The following BCAR1 variants were observed in gnomAD, a reference collection of about 807,000 sequenced individuals.
BCAR1 encodes breast cancer anti-estrogen resistance protein 1.
A neutral mutation model predicts 67.6 loss-of-function variants in BCAR1; 30 were observed. The observed-to-expected ratio is 0.44, with a 90% CI of 0.33 to 0.60. The LOEUF is 0.60. BCAR1 is among the 20% of genes least tolerant of loss of function. BCAR1 has a pLI of 0.02. For synonymous variants in BCAR1, 626 were observed against 556.7 expected, an observed-to-expected ratio of 1.12 and a Z score of -1.75; for missense variants, 1,313 against 1,222.3, an observed-to-expected ratio of 1.07 and a Z score of -1.11.
Position 75,235,655 on chromosome 16 carries a change from G to T in BCAR1, c.1244C>A (p.Pro415Gln). ...VDSGVYAVPP[P>Q]AEREAPAEGK... ...CTCTGCCGGGGCTTCACGTTCAGCT[G>T]GGGGAGGCACCGCATACACACCACT... The change falls in exon 5 of 7, where the codon CCA (proline) becomes CAA (glutamine). Residue 415 changes from proline to glutamine, a missense_variant. Physicochemically the swap from Pro to Gln is moderately conservative, Grantham distance 76. Coordinates refer to ENST00000162330, the MANE Select transcript of BCAR1 (RefSeq NM_014567.5). 1 of 1,609,976 alleles carries T rather than the reference G, an allele frequency of 6.2e-7. No homozygotes were observed. The highest frequency in any genetic ancestry group is 1.1e-5 in the South Asian group (1 of 90,730).
intron 1 of BCAR1, chr16:75,264,560 G>A (rs1051279155): frequency 6.6e-6 from 9 of 1,368,986 alleles, no homozygotes; most frequent in African/African-American, 5.8e-5. Context: ...AACGGATGGC[G>A]GGGCTCACAT....
In BCAR1 at chr16:75,242,752, C is replaced by G. The variant is rs771938683; in HGVS notation, c.351G>C (p.Val117=). The change falls in exon 2 of 7, where the codon GTG becomes GTC. Residue 117 remains valine, a synonymous_variant. Transcript: ENST00000162330. The part of the protein sequence containing the change: ...YQPQPDSVYL[V]PTPSKAQQGL... ...CTTGCTGAGCCTTGCTGGGAGTGGG[C>G]ACCAGGTAGACGCTGTCTGGCTGGG... 3.8e-6 allele frequency: 6 copies of G among 1,591,106 alleles called. No individual in the cohort carries two copies. The highest frequency in any genetic ancestry group is 2.7e-5 in the African/African-American group (2 of 74,434).
chr16:75,238,761 G>C (rs1352574941), intron 2 of BCAR1: 5 of 985,540 alleles, frequency 5.1e-6, no homozygotes, highest in Non-Finnish European at 6.0e-6. Context: ...CCCCAGACTT[G>C]AGTCTCCTCC....
rs759253609 is a variant in BCAR1, at chr16:75,242,961, G to A, written c.142C>T (p.Leu48=). 2 of 1,613,304 alleles carry A rather than the reference G, an allele frequency of 1.2e-6. No homozygotes were observed. The highest frequency in any genetic ancestry group is 8.5e-7 in the Non-Finnish European group (1 of 1,179,894). ...GGCACGATGCCCTGGCGCCCATGCA[G>A]CGAGCAGAGCCACCAGCCGTCCAGG... is the stretch of plus-strand genomic sequence containing the variant. The part of the protein sequence containing the change: ...QGLDGWWLCS[L]HGRQGIVPGN... The change falls in exon 2 of 7, where the codon CTG becomes TTG. Residue 48 remains leucine (L), a synonymous_variant. Transcript: ENST00000162330.
intron 6 of BCAR1, 139 bp downstream of exon 6, chr16:75,233,707 G>C: frequency 1.3e-6 from 1 of 761,794 alleles, no homozygotes; most frequent in Non-Finnish European, 2.1e-6. Flanking sequence ...AGGCAGGGGG[G>C]TGGCAGGCCG....
In BCAR1 at chr16:75,236,982, G is replaced by A. The variant is rs996716918; in HGVS notation, c.812C>T (p.Pro271Leu). The change falls in exon 4 of 7, where the codon CCC becomes CTC. Residue 271 changes from proline to leucine, a missense_variant. By Grantham distance (98) the Pro-to-Leu change is moderately conservative. Around this residue, in one of 2 missense-constraint regions of BCAR1, gnomAD observed 1,272 missense variants for 1,137.5 expected, o/e 1.12. Coordinates refer to ENST00000162330, the MANE Select transcript of BCAR1 (RefSeq NM_014567.5). ...QYGQEVYDTP[P>L]MAVKGPNGRD... ...GCCATTGGGACCCTTGACAGCCATGGGGGGTGTGTCATACACCTGGGGCAG... is the reference window on the plus strand; with the variant it reads ...GCCATTGGGACCCTTGACAGCCATGAGGGGTGTGTCATACACCTGGGGCAG... 6.2e-7 allele frequency: 1 copy of A among 1,605,988 alleles called. No individual in the cohort carries two copies. The highest frequency in any genetic ancestry group is 8.5e-7 in the Non-Finnish European group (1 of 1,175,932).
In BCAR1 at chr16:75,233,655, A is replaced by G. The variant is rs114750747; in HGVS notation, c.2100+191T>C. On this transcript the variant is annotated intron_variant, in intron 6 of 6. Transcript: ENST00000162330. Reference sequence around the variant, plus strand: ...AAATGTCTCCAACAATTACTCTTGAAAACTTTAAAATAAACCAAGTGAAAA... The same window carrying G: ...AAATGTCTCCAACAATTACTCTTGAGAACTTTAAAATAAACCAAGTGAAAA... Among the ~76,000 whole-genome samples the G allele has an allele frequency of 3.7e-3, 570 of 152,332 alleles. 3 individuals carry two copies. Among genetic ancestry groups the G allele is most frequent in the African/African-American group, 0.013 (543 of 41,560 alleles).
intron 1 of BCAR1, chr16:75,263,442 C>T (rs1374214988): frequency 2.0e-6 from 2 of 985,168 alleles, no homozygotes; most frequent in Non-Finnish European, 2.4e-6. Flanking sequence ...AGCACACGAG[C>T]ACTGCACTGC....
In BCAR1 at chr16:75,235,482, T is replaced by A; in HGVS notation, c.1417A>T (p.Thr473Ser). The change falls in exon 5 of 7, where the codon ACC becomes TCC. Residue 473 changes from threonine to serine, a missense_variant. Thr to Ser is a moderately conservative substitution (Grantham distance 58). Transcript: ENST00000162330. Reference protein sequence around the residue: ...LARLQQGVSATVAHLLDLAGS... With the variant: ...LARLQQGVSASVAHLLDLAGS... ...GCCAGGTCCAGAAGGTGGGCAACGG[T>A]GGCGCTCACACCCTGCTGCAGCCGT... 1 of 1,603,600 alleles carries A rather than the reference T, an allele frequency of 6.2e-7. No individual in the cohort carries two copies. The highest frequency in any genetic ancestry group is 2.3e-5 in the East Asian group (1 of 44,384).
intron 1 of BCAR1, chr16:75,266,737 T>C: frequency 6.9e-7 from 1 of 1,450,152 alleles, no homozygotes; most frequent in Non-Finnish European, 9.2e-7. Context: ...GGACCAGGGG[T>C]CCGACCCCTC....
chr16:75,260,181 G>A (rs1303809373), intron 1 of BCAR1, among the ~76,000 whole-genome samples: 4 of 152,060 alleles, frequency 2.6e-5, no homozygotes, highest in African/African-American at 4.8e-5. Flanking sequence ...GTGACAGAGC[G>A]AGATTCCATC....
intron 5 of BCAR1, among the ~76,000 whole-genome samples, 188 bp from the exon 6 acceptor site, chr16:75,234,123 G>A (rs974536276): frequency 6.8e-6 from 1 of 148,092 alleles, no homozygotes; most frequent in Non-Finnish European, 1.5e-5. Flanking sequence ...AAGCACACGT[G>A]AACACACACA....
chr16:75,248,066 A>C (rs1862737), intron 1 of BCAR1: 835,110 of 1,563,056 alleles, frequency 0.53, 226,531 homozygotes, highest in Admixed American at 0.71. Context: ...CCATCTTACT[A>C]GACAGGAAAA....
At chr16:75,239,150 G>A in intron 2 of BCAR1, 1 of 971,794 alleles carries the variant, frequency 1.0e-6, no homozygotes, top group Non-Finnish European at 1.2e-6. Context: ...AGGGGGAAAA[G>A]CTCTTTAGGG....
At chr16:75,234,804 G>A (rs564893665) in intron 5 of BCAR1, 85 bp downstream of exon 5, 3 of 1,498,020 alleles carry the variant, frequency 2.0e-6, no homozygotes, top group Non-Finnish European at 2.7e-6. Flanking sequence ...CCAGGGACCA[G>A]GCCCCAGCTG....
At chr16:75,248,248 C>A in intron 1 of BCAR1, 2 of 1,494,188 alleles carry the variant, frequency 1.3e-6, no homozygotes. Flanking sequence ...TTTCCCACCC[C>A]TCCTGTCCAC....
At position 75,229,946 on chromosome 16, in the gene BCAR1, T is replaced by G; in HGVS notation, c.2178A>C (p.Gln726His). 1 of 1,600,938 alleles carries G rather than the reference T, an allele frequency of 6.2e-7. No homozygotes were observed. Among genetic ancestry groups the G allele is most frequent in the East Asian group, 2.2e-5 (1 of 44,546 alleles). ...CGCCTGTTCGCCCCGGGGCCAGGGG[T>G]TGGGCTGGCGTCCAGTTGGCCAGGT... is the stretch of plus-strand genomic sequence containing the variant. ...DHDLANWTPA[Q>H]PLAPGRTGGL... The change falls in exon 7 of 7, where the codon CAA (glutamine) becomes CAC (histidine). Residue 726 changes from glutamine (Q) to histidine (H), a missense_variant. Transcript: ENST00000162330.
intron 1 of BCAR1, chr16:75,247,991 G>C: frequency 1.0e-6 from 1 of 986,484 alleles, no homozygotes; most frequent in Non-Finnish European, 1.6e-6. Flanking sequence ...GGGAGGCAGA[G>C]CTCTTTCCCA....
At chr16:75,264,109 T>C (rs1267296524) in intron 1 of BCAR1, 2 of 1,264,628 alleles carry the variant, frequency 1.6e-6, no homozygotes, top group East Asian at 6.0e-5. Context: ...ACAGTGCCTA[T>C]CTGTCCAAGT....
Sources: gnomAD v4.1 joint callset for allele counts (sites outside exome capture counted in the v4.1 genomes callset) on GRCh38, gnomAD v4.1.1 for gene constraint, gnomAD v4.1.1 regional missense constraint, MANE v1.5 for transcripts, NCBI Gene and HGNC (gene_info 2026-07-23, HGNC 2026-07-21) for gene names.